The following RFX6 variants were observed in gnomAD, a reference collection of about 807,000 sequenced individuals.
RFX6 encodes the protein regulatory factor X6.
Under a neutral mutation model 110.8 loss-of-function variants are expected in RFX6, and 50 were observed. That is an observed-to-expected ratio of 0.45 (90% CI 0.36 to 0.57). The LOEUF is 0.57. RFX6 is among the 20% of genes least tolerant of loss of function. The pLI, the probability that RFX6 is intolerant of heterozygous loss-of-function variation, is 0.00. For missense variants in RFX6, 990 were observed against 1,127.0 expected, an observed-to-expected ratio of 0.88 and a Z score of 1.74; for synonymous variants, 383 against 411.2, an observed-to-expected ratio of 0.93 and a Z score of 0.83.
chr6:116,921,655 A>T (rs1775597662), intron 12 of RFX6, among the ~76,000 whole-genome samples: 1 of 145,464 alleles, frequency 6.9e-6, no homozygotes, highest in South Asian at 2.2e-4. Context: ...TTGCTCTATA[A>T]TTTTTTTTTT....
At chr6:116,926,299 C>T (rs1338884948) in intron 16 of RFX6, among the ~76,000 whole-genome samples, 1 of 152,110 alleles carries the variant, frequency 6.6e-6, no homozygotes, top group Non-Finnish European at 1.5e-5. Context: ...AAAAAGCAAA[C>T]AAACAAACAA....
intron 7 of RFX6, among the ~76,000 whole-genome samples, chr6:116,913,959 C>T (rs1265813483): frequency 6.6e-6 from 1 of 152,224 alleles, no homozygotes; most frequent in Non-Finnish European, 1.5e-5. Flanking sequence ...CTTCTAGCTA[C>T]TTTGAATATG....
At chr6:116,880,439 T>C (rs1259295929) in intron 2 of RFX6, 105 bp from the exon 3 acceptor site, 1 of 961,890 alleles carries the variant, frequency 1.0e-6, no homozygotes, top group East Asian at 2.6e-5. Context: ...GTCTACTCAT[T>C]ACCTCATTTA....
In RFX6 at chr6:116,920,321, A is replaced by G. The variant is rs1194970504; in HGVS notation, c.1194A>G (p.Pro398=). 5.0e-6 allele frequency: 8 copies of G among 1,611,920 alleles called. No homozygotes were observed. The highest frequency in any genetic ancestry group is 1.3e-5 in the African/African-American group (1 of 75,010). ...SFLHLAQIAR[P]ALFDQHVVNS... is the part of the protein sequence containing the mutation. ...CTTTCTCTATGCAGATTGCCAGACCAGCTCTCTTTGACCAGCATGTCGTTA... is the reference window on the plus strand; with the variant it reads ...CTTTCTCTATGCAGATTGCCAGACCGGCTCTCTTTGACCAGCATGTCGTTA... The change falls in exon 12 of 19, where the codon CCA becomes CCG. Residue 398 remains proline (P), a synonymous_variant. Transcript: ENST00000332958.
chr6:116,917,335 CTTGTT>C (rs1775488577), intron 9 of RFX6, among the ~76,000 whole-genome samples: 1 of 120,292 alleles, frequency 8.3e-6, no homozygotes, highest in Non-Finnish European at 1.7e-5. Flanking sequence ...TAAGGATTGT[CTTGTT>C]TTTTTTTTTT....
At chr6:116,878,717 T>C (rs1162730327) in intron 2 of RFX6, among the ~76,000 whole-genome samples, 2 of 151,770 alleles carry the variant, frequency 1.3e-5, no homozygotes, top group Non-Finnish European at 2.9e-5. Context: ...AAAAACAAAC[T>C]AATAAAAAGG....
Position 116,927,204 on chromosome 6 carries a change from C to G in RFX6, c.2063C>G (p.Thr688Ser). The change falls in exon 17 of 19, where the codon ACT becomes AGT. Residue 688 changes from threonine to serine, a missense_variant. Transcript: ENST00000332958. ...ACATACCCAGAGCCCATTTATCCCACTCTCCCTCAAGCCAATCATGACTTT... is the reference window on the plus strand; with the variant it reads ...ACATACCCAGAGCCCATTTATCCCAGTCTCCCTCAAGCCAATCATGACTTT... ...CSTYPEPIYP[T>S]LPQANHDFYS... is the part of the protein sequence containing the mutation. The G allele has an allele frequency of 6.2e-7, 1 of 1,614,202 alleles. No individual in the cohort carries two copies. Among genetic ancestry groups the G allele is most frequent in the Non-Finnish European group, 8.5e-7 (1 of 1,180,042 alleles).
intron 4 of RFX6, among the ~76,000 whole-genome samples, chr6:116,893,564 T>A (rs1382794265): frequency 6.6e-6 from 1 of 152,122 alleles, no homozygotes; most frequent in Admixed American, 6.5e-5. Flanking sequence ...TTCCCATGTG[T>A]GAGATTGGTC....
Position 116,887,191 on chromosome 6 carries a change from T to G in RFX6, c.566+4763T>G, listed in dbSNP as rs183793588. Among the ~76,000 whole-genome samples, 13 of 152,260 alleles carry G rather than the reference T, an allele frequency of 8.5e-5. No homozygotes were observed. The East Asian group carries it at 2.5e-3, about 29-fold the overall frequency. ...GAACAATTAAAAATGGAGTAATTTGTTTTCAGTGGCAAGTTCAACATTCCA... is the reference window on the plus strand; with the variant it reads ...GAACAATTAAAAATGGAGTAATTTGGTTTCAGTGGCAAGTTCAACATTCCA... On this transcript the variant is annotated intron_variant, in intron 4 of 18. Transcript: ENST00000332958.
chr6:116,893,279 G>C (rs1774869510), intron 4 of RFX6, among the ~76,000 whole-genome samples: 1 of 152,054 alleles, frequency 6.6e-6, no homozygotes, highest in African/African-American at 2.4e-5. Flanking sequence ...TTTGTATATG[G>C]GTGTGTAATA....
intron 4 of RFX6, among the ~76,000 whole-genome samples, chr6:116,883,154 G>A (rs540366742): frequency 1.3e-5 from 2 of 152,206 alleles, no homozygotes; most frequent in East Asian, 3.9e-4. Flanking sequence ...CCTTTGAGCT[G>A]TTGCTTCCCT....
intron 6 of RFX6, among the ~76,000 whole-genome samples, chr6:116,902,940 TTC>T (rs1458205249): frequency 6.6e-6 from 1 of 152,048 alleles, no homozygotes; most frequent in African/African-American, 2.4e-5. Flanking sequence ...TTTGTTTCTT[TTC>T]TGTAGGGTCC....
At chr6:116,888,419 G>T (rs1162051409) in intron 4 of RFX6, among the ~76,000 whole-genome samples, 1 of 152,210 alleles carries the variant, frequency 6.6e-6, no homozygotes, top group East Asian at 1.9e-4. Flanking sequence ...TTTTAAATCA[G>T]ATCTGTCATT....
At chr6:116,917,385 A>T (rs1775492150) in intron 9 of RFX6, among the ~76,000 whole-genome samples, 2 of 151,212 alleles carry the variant, frequency 1.3e-5, no homozygotes, top group African/African-American at 4.9e-5. Context: ...TTATTTAGAG[A>T]AAAACAGTTT....
In RFX6 at chr6:116,918,977, A is replaced by G. The variant is rs560106425; in HGVS notation, c.1023-160A>G. Among the ~76,000 whole-genome samples, 43 of 152,270 alleles carry G rather than the reference A, an allele frequency of 2.8e-4. 2 individuals carry two copies. The Middle Eastern group carries it at 0.014, about 48-fold the overall frequency. ...TCCTATGCACCCACAAACATTTTAA[A>G]AATATAGCATAAGAAAAGATGATAA... On this transcript the variant is annotated intron_variant, in intron 10 of 18. Coordinates refer to ENST00000332958, the MANE Select transcript of RFX6 (RefSeq NM_173560.4).
intron 4 of RFX6, among the ~76,000 whole-genome samples, chr6:116,887,512 A>G (rs1375681935): frequency 2.0e-5 from 3 of 152,194 alleles, no homozygotes; most frequent in African/African-American, 4.8e-5. Context: ...TTTACTACCA[A>G]TTCCAAAAGT....
intron 4 of RFX6, among the ~76,000 whole-genome samples, chr6:116,893,251 T>C (rs1370653259): frequency 6.6e-6 from 1 of 152,180 alleles, no homozygotes; most frequent in Non-Finnish European, 1.5e-5. Context: ...CACTAGCATG[T>C]GTATAATATT....
At chr6:116,913,692 G>A (rs967212600) in intron 7 of RFX6, among the ~76,000 whole-genome samples, 1 of 152,168 alleles carries the variant, frequency 6.6e-6, no homozygotes, top group Admixed American at 6.5e-5. Flanking sequence ...AAATTTTGAT[G>A]ATTTGTATAT....
In RFX6 at chr6:116,922,077, C is replaced by A. The variant is rs1775611805; in HGVS notation, c.1363C>A (p.Leu455Ile). Residue 455 changes from leucine to isoleucine, a missense_variant, in exon 13 of 19, where the codon CTC becomes ATC. Leu to Ile is a conservative substitution (Grantham distance 5). Transcript: ENST00000332958. The stretch of plus-strand genomic sequence containing the variant: ...CACTGTGTTCCAAGAACTGAAGGAT[C>A]TCCTTAAGAAGAATGCCACTGTGGA... Reference protein sequence around the residue: ...SITVFQELKDLLKKNATVEAF... With the variant: ...SITVFQELKDILKKNATVEAF... The A allele has an allele frequency of 1.9e-6, 3 of 1,541,390 alleles. No individual in the cohort carries two copies. Among genetic ancestry groups the A allele is most frequent in the Non-Finnish European group, 2.7e-6 (3 of 1,116,546 alleles).
Sources: gnomAD v4.1 joint callset for allele counts (sites outside exome capture counted in the v4.1 genomes callset) on GRCh38, gnomAD v4.1.1 for gene constraint, MANE v1.5 for transcripts, NCBI Gene and HGNC (gene_info 2026-07-23, HGNC 2026-07-21) for gene names.